Variants in CACNG2 observed in about 807,000 individuals in gnomAD.
CACNG2 encodes the protein calcium voltage-gated channel auxiliary subunit gamma 2, also known as voltage-dependent calcium channel gamma-2 subunit.
In CACNG2, 3 loss-of-function variants were observed where a neutral mutation model predicts 25.9. The observed-to-expected ratio is 0.12, with a 90% CI of 0.05 to 0.30. CACNG2 has a LOEUF of 0.30. Ranked by LOEUF, CACNG2 falls within the 10% of genes least tolerant of loss-of-function variation. CACNG2 has a pLI of 1.00. For synonymous variants in CACNG2, 167 were observed against 173.3 expected (o/e 0.96, Z 0.29); for missense variants, 341 against 432.5 (o/e 0.79, Z 1.88).
chr22:36,639,396 A>G (rs538138841), intron 1 of CACNG2, among the ~76,000 whole-genome samples: 2 of 152,226 alleles, frequency 1.3e-5, no homozygotes, highest in African/African-American at 2.4e-5. Context: ...GCATCTGGAC[A>G]GGAGGGGAAA....
intron 1 of CACNG2, among the ~76,000 whole-genome samples, chr22:36,643,324 C>T (rs995254979): frequency 1.3e-5 from 2 of 151,480 alleles, no homozygotes; most frequent in East Asian, 3.9e-4. Flanking sequence ...CTCTCTCTTT[C>T]TCTGTCTCTC....
rs574151472 is a variant in CACNG2 at position 36,563,268 on chromosome 22, G to T, written c.*1083C>A. Among the ~76,000 whole-genome samples the T allele has an allele frequency of 1.3e-3, 191 of 152,238 alleles. No individual in the cohort carries two copies. Among genetic ancestry groups the T allele is most frequent in the Non-Finnish European group, 2.0e-3 (139 of 67,998 alleles). On this transcript the variant is annotated 3_prime_UTR_variant, in exon 4 of 4. Transcript: ENST00000300105. Reference sequence around the variant, plus strand: ...GGGTCAATGAACCCCCTTCCCAGGGGACTGGGGGGCTTATGAGTCAGGGGG... The same window carrying T: ...GGGTCAATGAACCCCCTTCCCAGGGTACTGGGGGGCTTATGAGTCAGGGGG...
At chr22:36,627,746 C>T (rs1180663949) in intron 1 of CACNG2, among the ~76,000 whole-genome samples, 4 of 151,996 alleles carry the variant, frequency 2.6e-5, no homozygotes, top group Admixed American at 6.6e-5. Context: ...CCTCAGCCTC[C>T]CAAGTAGCTG....
rs189154340 is a variant in CACNG2 at position 36,613,334 on chromosome 22, C to T, written c.212-25786G>A. ...AAGCAAAATGCAAAGGTTTCTAATA[C>T]CTTTCTCCCTCAAGTGCTAGTGTGG... On this transcript the variant is annotated intron_variant, in intron 1 of 3. Coordinates refer to ENST00000300105, the MANE Select transcript of CACNG2 (RefSeq NM_006078.5). Among the ~76,000 whole-genome samples the T allele has an allele frequency of 3.3e-4, 51 of 152,288 alleles. No homozygotes were observed. In the East Asian group the frequency reaches 9.1e-3, roughly 27 times the overall value.
At chr22:36,597,453 C>T (rs1935694032) in intron 1 of CACNG2, among the ~76,000 whole-genome samples, 1 of 152,202 alleles carries the variant, frequency 6.6e-6, no homozygotes, top group Admixed American at 6.5e-5. Flanking sequence ...CTCTCTGTGC[C>T]TCAGTTTCCT....
chr22:36,638,737 C>G (rs1325609461), intron 1 of CACNG2, among the ~76,000 whole-genome samples: 1 of 152,134 alleles, frequency 6.6e-6, no homozygotes, highest in Admixed American at 6.5e-5. Context: ...TTTATGCGCT[C>G]TTGAAGGTTA....
chr22:36,598,944 C>A (rs1015459221), intron 1 of CACNG2, among the ~76,000 whole-genome samples: 1 of 152,212 alleles, frequency 6.6e-6, no homozygotes, highest in African/African-American at 2.4e-5. Context: ...TGTCACTGCA[C>A]TCCAGCCTGG....
At chr22:36,595,141 G>T (rs1385450093) in intron 1 of CACNG2, among the ~76,000 whole-genome samples, 1 of 151,696 alleles carries the variant, frequency 6.6e-6, no homozygotes, top group Non-Finnish European at 1.5e-5. Flanking sequence ...GCATGTGTCT[G>T]TGTGTGTAGG....
At chr22:36,671,618 A>AT (rs907471169) in intron 1 of CACNG2, among the ~76,000 whole-genome samples, 5 of 152,102 alleles carry the variant, frequency 3.3e-5, no homozygotes, top group African/African-American at 1.2e-4. Context: ...CCAACAAACA[A>AT]TTTTTTTGGA....
At chr22:36,635,669 G>A (rs773863909) in intron 1 of CACNG2, among the ~76,000 whole-genome samples, 1 of 151,870 alleles carries the variant, frequency 6.6e-6, no homozygotes, top group African/African-American at 2.4e-5. Context: ...CTCCCTACAG[G>A]GAGTTTCCCG....
intron 1 of CACNG2, among the ~76,000 whole-genome samples, chr22:36,622,969 A>G (rs543582231): frequency 1.5e-4 from 23 of 150,896 alleles, no homozygotes; most frequent in Non-Finnish European, 1.5e-4. Context: ...AAAAAAAAAA[A>G]GGTAAGACAA....
intron 1 of CACNG2, among the ~76,000 whole-genome samples, chr22:36,677,816 A>G (rs1313200317): frequency 6.6e-6 from 1 of 152,248 alleles, no homozygotes; most frequent in African/African-American, 2.4e-5. Flanking sequence ...AAGGTTGTGA[A>G]TTGCACATTC....
At chr22:36,578,226 G>A (rs1298329666) in intron 2 of CACNG2, among the ~76,000 whole-genome samples, 1 of 152,022 alleles carries the variant, frequency 6.6e-6, no homozygotes, top group Non-Finnish European at 1.5e-5. Flanking sequence ...AATTAGCTGG[G>A]TGTGATGGCG....
intron 3 of CACNG2, among the ~76,000 whole-genome samples, chr22:36,565,542 G>C (rs1372751655): frequency 6.6e-6 from 1 of 151,728 alleles, no homozygotes; most frequent in Non-Finnish European, 1.5e-5. Context: ...GCAGTGGTGT[G>C]ATCACAGCTC....
chr22:36,696,287 T>C (rs1238878931), intron 1 of CACNG2, among the ~76,000 whole-genome samples: 1 of 152,204 alleles, frequency 6.6e-6, no homozygotes, highest in East Asian at 1.9e-4. Flanking sequence ...TATTGTCCTT[T>C]ATGCGTTCAG....
At chr22:36,678,874 A>G (rs2047138130) in intron 1 of CACNG2, among the ~76,000 whole-genome samples, 1 of 152,130 alleles carries the variant, frequency 6.6e-6, no homozygotes, top group African/African-American at 2.4e-5. Context: ...CTCAAACCCT[A>G]CTTGGCTCAT....
chr22:36,587,668 C>A (rs1448655037), intron 1 of CACNG2, 120 bp from the exon 2 acceptor site: 2 of 781,948 alleles, frequency 2.6e-6, no homozygotes, highest in African/African-American at 1.7e-5. Flanking sequence ...TCCCTCACCC[C>A]TGAAGGAAGG....
intron 1 of CACNG2, among the ~76,000 whole-genome samples, chr22:36,601,759 A>G (rs2041663906): frequency 6.6e-6 from 1 of 152,222 alleles, no homozygotes; most frequent in African/African-American, 2.4e-5. Context: ...CTGAGATTAC[A>G]AGCGTGAGCC....
chr22:36,612,626 C>T (rs577475537), intron 1 of CACNG2, among the ~76,000 whole-genome samples: 2 of 152,324 alleles, frequency 1.3e-5, no homozygotes, highest in South Asian at 4.1e-4. Context: ...TCTCACTTGG[C>T]CAGCATCCGC....
Sources: allele counts gnomAD v4.1 joint callset (sites outside exome capture counted in the v4.1 genomes callset), GRCh38; gene constraint gnomAD v4.1.1; transcripts MANE v1.5; gene names NCBI Gene and HGNC (gene_info 2026-07-23, HGNC 2026-07-21).